Variants in NBR1 observed in about 807,000 individuals in gnomAD.
NBR1 encodes the protein NBR1 autophagy cargo receptor, also known as next to BRCA1 gene 1 protein.
In NBR1, 59 loss-of-function variants were observed where a neutral mutation model predicts 115.5. The observed-to-expected ratio is 0.51, with a 90% CI of 0.41 to 0.63. The LOEUF (loss-of-function observed/expected upper bound fraction) is 0.63. NBR1 is among the 30% of genes least tolerant of loss of function. NBR1 has a pLI of 0.00. For missense variants in NBR1, 1,043 were observed against 1,150.5 expected (o/e 0.91, Z 1.35); for synonymous variants, 373 against 414.7 (o/e 0.90, Z 1.22).
rs1452020869 is a variant in NBR1 at position 43,174,576 on chromosome 17, C to T, written c.-9-1215C>T. 3.3e-5 allele frequency among the ~76,000 whole-genome samples: 5 copies of T among 151,528 alleles called. No individual in the cohort carries two copies. In the East Asian group the frequency reaches 7.8e-4, roughly 24 times the overall value. On this transcript the variant is annotated intron_variant, in intron 1 of 20. Transcript: ENST00000590996. Reference sequence around the variant, plus strand: ...TTGTGCCACTGCACTTGAGCCTGGACGACAGAACAAGACTCTATCTCAAAA... The same window carrying T: ...TTGTGCCACTGCACTTGAGCCTGGATGACAGAACAAGACTCTATCTCAAAA...
chr17:43,185,521 A>C (rs938010503), intron 5 of NBR1, among the ~76,000 whole-genome samples: 12 of 152,032 alleles, frequency 7.9e-5, no homozygotes, highest in South Asian at 2.1e-4. Flanking sequence ...CAACACAGTG[A>C]GACTCCTGTC....
Position 43,202,732 on chromosome 17 carries a change from T to G in NBR1, c.2621+20T>G. The G allele has an allele frequency of 1.9e-6, 3 of 1,554,258 alleles. No homozygotes were observed. Among genetic ancestry groups the G allele is most frequent in the Non-Finnish European group, 2.6e-6 (3 of 1,146,032 alleles). On this transcript the variant is annotated intron_variant, in intron 19 of 20. Coordinates refer to ENST00000590996, the MANE Select transcript of NBR1 (RefSeq NM_005899.5). ...CTCAAGGTAACAACCTTGTGCAGTC[T>G]CTTTTTTCAGAAGCAGGTGGATATT...
At chr17:43,176,406 A>C (rs2056518808) in intron 2 of NBR1, 1 of 152,402 alleles carries the variant, frequency 6.6e-6, no homozygotes, top group Admixed American at 6.5e-5. Flanking sequence ...TTTTTTGCTA[A>C]GGCTTTTCCT....
At chr17:43,189,899 G>A (rs960272474) in intron 8 of NBR1, 97 bp downstream of exon 8, 6 of 1,022,482 alleles carry the variant, frequency 5.9e-6, no homozygotes, top group Non-Finnish European at 8.9e-6. Flanking sequence ...ATTGTACCCT[G>A]TTTCTGAGCA....
At chr17:43,172,850 G>T (rs1055706217) in intron 1 of NBR1, among the ~76,000 whole-genome samples, 6 of 152,142 alleles carry the variant, frequency 3.9e-5, no homozygotes, top group African/African-American at 9.7e-5. Context: ...ATTTGAGATG[G>T]AGTCTTGCTC....
chr17:43,195,010 T>C lies in NBR1; in HGVS notation c.1721T>C (p.Leu574Ser). 1 of 1,613,848 alleles carries C rather than the reference T, an allele frequency of 6.2e-7. No individual in the cohort carries two copies. The highest frequency in any genetic ancestry group is 2.2e-5 in the East Asian group (1 of 44,872). ...ELLDINIVQE[L>S]ERVPHNTPVD... ...TTGGATATAAACATTGTTCAAGAGT[T>C]GGAGAGAGTGCCCCACAACACCCCT... The change falls in exon 14 of 21, where the codon TTG becomes TCG. Residue 574 changes from leucine (L) to serine (S), a missense_variant. By Grantham distance (145) the Leu-to-Ser change is moderately radical. Transcript: ENST00000590996.
intron 1 of NBR1, among the ~76,000 whole-genome samples, chr17:43,175,133 A>C (rs2056477585): frequency 6.6e-6 from 1 of 152,080 alleles, no homozygotes; most frequent in South Asian, 2.1e-4. Flanking sequence ...AAAATAAAAA[A>C]TCAGTAGATT....
At chr17:43,186,504 C>A in intron 6 of NBR1, 60 bp downstream of exon 6, 1 of 1,304,498 alleles carries the variant, frequency 7.7e-7, no homozygotes, top group South Asian at 1.8e-5. Flanking sequence ...TTAAATAAAG[C>A]TGAACAGGTT....
At chr17:43,199,226 T>C (rs543259479) in intron 16 of NBR1, among the ~76,000 whole-genome samples, 3 of 152,122 alleles carry the variant, frequency 2.0e-5, no homozygotes, top group Admixed American at 2.0e-4. Context: ...AGCCACATGC[T>C]ACCACAATGA....
In NBR1 at chr17:43,196,525, A is replaced by G; in HGVS notation, c.1795A>G (p.Ile599Val). The G allele has an allele frequency of 6.2e-7, 1 of 1,605,428 alleles. No homozygotes were observed. The change falls in exon 15 of 21, where the codon ATA (isoleucine) becomes GTA (valine). Residue 599 changes from isoleucine to valine, a missense_variant. By Grantham distance (29) the Ile-to-Val change is conservative (BLOSUM62 3). Coordinates refer to ENST00000590996, the MANE Select transcript of NBR1 (RefSeq NM_005899.5). ...MSPLPHDSPLIEKPGLGQIEE... is the reference protein window; with the variant it reads ...MSPLPHDSPLVEKPGLGQIEE... ...TCCTCTGCCACATGACAGTCCTTTA[A>G]TAGAGAAGCCAGGCTTGGGGCAGAT...
chr17:43,200,434 A>T lies in NBR1; in HGVS notation c.2294A>T (p.Glu765Val), dbSNP rs764603315. ...CAGCCAGGCCTGGAGCGAGGTGCTG[A>T]AGGCAAGCCTGGGGTTGAGGCTGGG... is the stretch of plus-strand genomic sequence containing the variant. ...LSQPGLERGA[E>V]GKPGVEAGQE... Residue 765 changes from glutamate to valine, a missense_variant, in exon 17 of 21, where the codon GAA becomes GTA. Physicochemically the swap from Glu to Val is moderately radical, Grantham distance 121. Transcript: ENST00000590996. The T allele has an allele frequency of 1.6e-5, 25 of 1,612,220 alleles. No homozygotes were observed. Among genetic ancestry groups the T allele is most frequent in the Non-Finnish European group, 2.0e-5 (23 of 1,179,134 alleles).
intron 2 of NBR1, chr17:43,176,103 C>T (rs779077946): frequency 2.3e-6 from 1 of 438,598 alleles, no homozygotes; most frequent in Non-Finnish European, 4.1e-6. Flanking sequence ...ACATAAATTT[C>T]CTTTTGAACA....
chr17:43,198,084 C>T (rs957973632), intron 16 of NBR1, among the ~76,000 whole-genome samples: 40 of 151,886 alleles, frequency 2.6e-4, no homozygotes, highest in African/African-American at 8.9e-4. Flanking sequence ...AGGAGAATCA[C>T]TTTAACCCGG....
intron 20 of NBR1, among the ~76,000 whole-genome samples, chr17:43,207,413 A>G (rs907492496): frequency 1.3e-5 from 2 of 152,362 alleles, no homozygotes; most frequent in Admixed American, 1.3e-4. Flanking sequence ...GCTGGAGTGC[A>G]ATAACTAGAT....
At chr17:43,199,511 A>G (rs943972433) in intron 16 of NBR1, among the ~76,000 whole-genome samples, 1 of 151,934 alleles carries the variant, frequency 6.6e-6, no homozygotes, top group African/African-American at 2.4e-5. Context: ...AGTAGCTGGC[A>G]CTACAGGCGC....
At chr17:43,173,354 T>A (rs1283878357) in intron 1 of NBR1, among the ~76,000 whole-genome samples, 1 of 151,958 alleles carries the variant, frequency 6.6e-6, no homozygotes, top group Non-Finnish European at 1.5e-5. Context: ...AGTGGCATGA[T>A]CTTGGCTCAC....
At chr17:43,189,946 C>T (rs1044326921) in intron 8 of NBR1, 144 bp downstream of exon 8, 2 of 687,648 alleles carry the variant, frequency 2.9e-6, no homozygotes, top group Non-Finnish European at 5.1e-6. Context: ...GCACAAGCTA[C>T]TCTTCACCCA....
rs149417585 is a variant in NBR1 at position 43,202,054 on chromosome 17, C to T, written c.2563+274C>T. 5.5e-3 allele frequency among the ~76,000 whole-genome samples: 835 copies of T among 151,952 alleles called. 3 individuals are homozygous for T. Among genetic ancestry groups the T allele is most frequent in the Non-Finnish European group, 7.4e-3 (500 of 67,986 alleles). On this transcript the variant is annotated intron_variant, in intron 18 of 20. Coordinates refer to ENST00000590996, the MANE Select transcript of NBR1 (RefSeq NM_005899.5). Reference sequence around the variant, plus strand: ...AATTAACCAGGCATGGTGGCGGGCACCTGTAATCCCAGCTACTTGGGAGGC... The same window carrying T: ...AATTAACCAGGCATGGTGGCGGGCATCTGTAATCCCAGCTACTTGGGAGGC...
chr17:43,200,874 T>G (rs1057101299), intron 17 of NBR1, among the ~76,000 whole-genome samples: 3 of 150,252 alleles, frequency 2.0e-5, no homozygotes, highest in African/African-American at 7.3e-5. Flanking sequence ...TGTGTTTTTT[T>G]TTTTTTTTTT....
Sources: gnomAD v4.1 joint callset for allele counts (sites outside exome capture counted in the v4.1 genomes callset) on GRCh38, gnomAD v4.1.1 for gene constraint, MANE v1.5 for transcripts, NCBI Gene and HGNC (gene_info 2026-07-23, HGNC 2026-07-21) for gene names.